MUC5B: variants seen among roughly 807,000 people sequenced by gnomAD.
MUC5B encodes mucin 5B, oligomeric mucus/gel-forming, also known as mucin-5B.
A neutral mutation model predicts 376.9 loss-of-function variants in MUC5B; 116 were observed. That is an observed-to-expected ratio of 0.31 (90% CI 0.26 to 0.36). The LOEUF (loss-of-function observed/expected upper bound fraction) is 0.36, where lower values mean the gene tolerates loss of function less well. Ranked by LOEUF, MUC5B falls within the 10% of genes least tolerant of loss-of-function variation. MUC5B has a pLI of 1.00. For synonymous variants in MUC5B, 3,517 were observed against 3,390.9 expected (o/e 1.04, Z -1.29); for missense variants, 7,165 against 7,769.9 (o/e 0.92, Z 2.93).
At chr11:1,260,811 C>T in intron 48 of MUC5B, 83 bp downstream of exon 48, 1 of 1,063,012 alleles carries the variant, frequency 9.4e-7, no homozygotes. Flanking sequence ...GCAGCCTGCT[C>T]TGGGTCAGGA....
In MUC5B at chr11:1,253,288, C is replaced by T. The variant is rs1428660036; in HGVS notation, c.15217+308C>T. On this transcript the variant is annotated intron_variant, in intron 33 of 48. Transcript: ENST00000529681. This position sits in a 1 kb window ranked among gnomAD's most constrained non-coding sequence, Gnocchi z 4.3. ...GTGTCCACAGGGCTGAAAATGCTGA[C>T]ACAGCCCAAGGGAGAGGCAGCAGAG... Among the ~76,000 whole-genome samples the T allele has an allele frequency of 6.6e-6, 1 of 152,150 alleles. No homozygotes were observed. The highest frequency in any genetic ancestry group is 6.5e-5 in the Admixed American group (1 of 15,274).
At position 1,246,854 on chromosome 11, in the gene MUC5B, G is replaced by T. The variant is rs775294208; in HGVS notation, c.9974G>T (p.Gly3325Val). Residue 3325 changes from glycine to valine, a missense_variant, in exon 31 of 49, where the codon GGG (glycine) becomes GTG (valine). Physicochemically the swap from Gly to Val is moderately radical, Grantham distance 109. Transcript: ENST00000529681. The part of the protein sequence containing the change: ...GFTATPSSSP[G>V]TALTPPVWIS... ...ACAGCCACCCCCTCCTCCAGCCCAG[G>T]GACGGCACTCACGCCTCCAGTGTGG... The T allele has an allele frequency of 3.7e-6, 6 of 1,609,920 alleles. No individual in the cohort carries two copies. In the East Asian group the frequency reaches 1.1e-4, roughly 30 times the overall value.
chr11:1,247,483 G>T lies in MUC5B; in HGVS notation c.10603G>T (p.Gly3535Cys). ...PGTTTPGHTR[G>C]TSRTTATATP... Reference sequence around the variant, plus strand: ...GACGACCACCCCGGGCCACACCAGGGGCACCTCCAGGACCACAGCCACAGC... The same window carrying T: ...GACGACCACCCCGGGCCACACCAGGTGCACCTCCAGGACCACAGCCACAGC... The change falls in exon 31 of 49, where the codon GGC becomes TGC. Residue 3535 changes from glycine to cysteine, a missense_variant. Around this residue, in one of 31 missense-constraint regions of MUC5B, gnomAD observed 939 missense variants for 770.6 expected, o/e 1.22. Transcript: ENST00000529681. 2 of 1,607,746 alleles carry T rather than the reference G, an allele frequency of 1.2e-6. No homozygotes were observed. The highest frequency in any genetic ancestry group is 1.7e-6 in the Non-Finnish European group (2 of 1,177,462).
At position 1,258,070 on chromosome 11, in the gene MUC5B, C is replaced by T. The variant is rs765208664; in HGVS notation, c.16451-29C>T. On this transcript the variant is annotated intron_variant, in intron 41 of 48. Coordinates refer to ENST00000529681, the MANE Select transcript of MUC5B (RefSeq NM_002458.3). The surrounding 1 kb of genome is among the most constrained non-coding windows in gnomAD (Gnocchi z 5.5). Reference sequence around the variant, plus strand: ...TGGTCGGGAGGAGGAGTGAGCAGCGCCCAGACAGTGGCCTCCATCCTCCCG... The same window carrying T: ...TGGTCGGGAGGAGGAGTGAGCAGCGTCCAGACAGTGGCCTCCATCCTCCCG... 4.5e-6 allele frequency: 7 copies of T among 1,547,214 alleles called. No homozygotes were observed. In the South Asian group the frequency reaches 7.1e-5, roughly 16 times the overall value.
rs1292740395 is a variant in MUC5B, at chr11:1,248,856, C to G, written c.11976C>G (p.Pro3992=). 3 of 1,547,754 alleles carry G rather than the reference C, an allele frequency of 1.9e-6. No homozygotes were observed. Among genetic ancestry groups the G allele is most frequent in the African/African-American group, 1.4e-5 (1 of 72,410 alleles). The change falls in exon 31 of 49, where the codon CCC becomes CCG. Residue 3992 remains proline (P), a synonymous_variant. Coordinates refer to ENST00000529681, the MANE Select transcript of MUC5B (RefSeq NM_002458.3). ...TPAATSSTVT[P]SSALGTTHTP... ...CAGCCACCAGCAGCACAGTGACTCC[C>G]TCCTCTGCCCTAGGGACCACCCACA...
At position 1,242,032 on chromosome 11, in the gene MUC5B, G is replaced by A. The variant is rs767483556; in HGVS notation, c.5152G>A (p.Ala1718Thr). ...TWRPSQPPTL[A>T]PTTMATSRAR... ...GCGCCCCTCACAGCCACCCACGCTG[G>A]CCCCAACAACAATGGCAACCTCCAG... Residue 1718 changes from alanine to threonine, a missense_variant, in exon 31 of 49, where the codon GCC becomes ACC. Ala to Thr is a moderately conservative substitution (Grantham distance 58). This residue lies in a region of MUC5B where 897 missense variants were observed against 779.6 expected (regional missense o/e 1.15). Transcript: ENST00000529681. The A allele has an allele frequency of 1.0e-5, 16 of 1,588,998 alleles. No homozygotes were observed. Among genetic ancestry groups the A allele is most frequent in the Non-Finnish European group, 1.3e-5 (15 of 1,168,662 alleles).
rs1003657478 is a variant in MUC5B at position 1,226,130 on chromosome 11, G to A, written c.128-75G>A. On this transcript the variant is annotated intron_variant, in intron 2 of 48. Transcript: ENST00000529681. The stretch of plus-strand genomic sequence containing the variant: ...CTTCAACTCTGGTGGCTGGCGAGGA[G>A]GGTGGGCCCCGGGGAGGGTGTCTCT... 2.8e-6 allele frequency: 4 copies of A among 1,426,114 alleles called. No individual in the cohort carries two copies. In the Admixed American group the frequency reaches 6.1e-5, roughly 22 times the overall value. 88.3% of individuals were successfully genotyped at this position (1,426,114 alleles called of 1,614,324 possible).
rs1262966023 is a variant in MUC5B at position 1,258,636 on chromosome 11, T to C, written c.16593+269T>C. Among the ~76,000 whole-genome samples, 1 of 151,806 alleles carries C rather than the reference T, an allele frequency of 6.6e-6. No homozygotes were observed. Among genetic ancestry groups the C allele is most frequent in the African/African-American group, 2.4e-5 (1 of 41,270 alleles). ...GGGGGCAGCACACACTGGCCTGGGG[T>C]CCCCGCCTGCCCGCCCAGATTCCTA... is the stretch of plus-strand genomic sequence containing the variant. On this transcript the variant is annotated intron_variant, in intron 43 of 48. Coordinates refer to ENST00000529681, the MANE Select transcript of MUC5B (RefSeq NM_002458.3). The surrounding 1 kb of genome is among the most constrained non-coding windows in gnomAD (Gnocchi z 5.5).
chr11:1,233,035 C>G lies in MUC5B; in HGVS notation c.2088C>G (p.Pro696=). The G allele has an allele frequency of 6.3e-7, 1 of 1,599,098 alleles. No homozygotes were observed. Among genetic ancestry groups the G allele is most frequent in the East Asian group, 2.2e-5 (1 of 44,588 alleles). The change falls in exon 18 of 49, where the codon CCC becomes CCG. Residue 696 remains proline, a synonymous_variant. Coordinates refer to ENST00000529681, the MANE Select transcript of MUC5B (RefSeq NM_002458.3). ...CAGCCAAGTACATGCAGAACTGCCC[C>G]AAGTCCCAGCGCTACGCCTACGTGG... ...GVCTKYMQNC[P]KSQRYAYVVD... is the part of the protein sequence containing the mutation.
At chr11:1,227,245 G>T in intron 5 of MUC5B, 63 bp from the exon 6 acceptor site, 1 of 1,573,282 alleles carries the variant, frequency 6.4e-7, no homozygotes, top group South Asian at 1.1e-5. Context: ...ACGGGGCTTG[G>T]GGCATGTTGC....
chr11:1,232,935 G>A (rs1308433190), intron 17 of MUC5B, 78 bp from the exon 18 acceptor site: 25 of 1,476,078 alleles, frequency 1.7e-5, no homozygotes, highest in South Asian at 1.6e-4. Flanking sequence ...CGTCACAGAC[G>A]GGGATGCTGA....
chr11:1,253,582 G>A lies in MUC5B; in HGVS notation c.15218-510G>A, dbSNP rs774195756. 6.6e-6 allele frequency among the ~76,000 whole-genome samples: 1 copy of A among 152,156 alleles called. No individual in the cohort carries two copies. The highest frequency in any genetic ancestry group is 1.5e-5 in the Non-Finnish European group (1 of 68,024). ...CTTATACAACAGAAACCCACTCTCCGTCCTGGAGCTGGAAGTCTGAGATCC... is the reference window on the plus strand; with the variant it reads ...CTTATACAACAGAAACCCACTCTCCATCCTGGAGCTGGAAGTCTGAGATCC... On this transcript the variant is annotated intron_variant, in intron 33 of 48. Transcript: ENST00000529681. The surrounding 1 kb of genome is among the most constrained non-coding windows in gnomAD (Gnocchi z 4.3).
chr11:1,230,110 C>T lies in MUC5B; in HGVS notation c.1326C>T (p.Asp442=), dbSNP rs1463183087. 2 of 1,611,924 alleles carry T rather than the reference C, an allele frequency of 1.2e-6. No individual in the cohort carries two copies. The highest frequency in any genetic ancestry group is 1.3e-5 in the African/African-American group (1 of 75,042). The part of the protein sequence containing the change: ...HISTYDEKLY[D]LHGDCSYVLS... ...CCACCTATGATGAGAAACTCTACGA[C>T]CTGCATGGTGACTGCAGCTACGTTC... is the stretch of plus-strand genomic sequence containing the variant. The change falls in exon 11 of 49, where the codon GAC becomes GAT. Residue 442 remains aspartate, a synonymous_variant. Coordinates refer to ENST00000529681, the MANE Select transcript of MUC5B (RefSeq NM_002458.3).
Position 1,246,882 on chromosome 11 carries a change from C to A in MUC5B, c.10002C>A (p.Ile3334=). ...CGGCACTCACGCCTCCAGTGTGGAT[C>A]AGCACAACCACCACACCCACAACCA... ...PGTALTPPVW[I]STTTTPTTRG... Residue 3334 remains isoleucine, a synonymous_variant, in exon 31 of 49, where the codon ATC becomes ATA. Transcript: ENST00000529681. 6.2e-7 allele frequency: 1 copy of A among 1,610,318 alleles called. No individual in the cohort carries two copies. The highest frequency in any genetic ancestry group is 8.5e-7 in the Non-Finnish European group (1 of 1,178,324).
chr11:1,258,294 A>ACCACTTGTC lies in MUC5B; in HGVS notation c.16556-35_16556-27dup. ...GGGGGCGCTGGAGCACATGCTCCCC[A>ACCACTTGTC]CCACTTGTCGAGGGCTTAGCTCCCT... is the stretch of plus-strand genomic sequence containing the variant. On this transcript the variant is annotated intron_variant, in intron 42 of 48. Coordinates refer to ENST00000529681, the MANE Select transcript of MUC5B (RefSeq NM_002458.3). The surrounding 1 kb of genome is among the most constrained non-coding windows in gnomAD (Gnocchi z 5.5). The ACCACTTGTC allele has an allele frequency of 6.2e-7, 1 of 1,609,514 alleles. No individual in the cohort carries two copies. Among genetic ancestry groups the ACCACTTGTC allele is most frequent in the Non-Finnish European group, 8.5e-7 (1 of 1,178,550 alleles).
At chr11:1,239,167 A>T (rs1862222793) in intron 26 of MUC5B, 140 bp downstream of exon 26, 1 of 1,124,806 alleles carries the variant, frequency 8.9e-7, no homozygotes, top group Non-Finnish European at 1.3e-6. Context: ...ATGTGAGTGC[A>T]CAAGTTTCTA....
chr11:1,259,752 A>G lies in MUC5B; in HGVS notation c.16714-4A>G. On this transcript the variant is annotated splice_polypyrimidine_tract_variant and splice_region_variant and intron_variant, in intron 44 of 48. Coordinates refer to ENST00000529681, the MANE Select transcript of MUC5B (RefSeq NM_002458.3). ...AGGGCCTGACGCCCCTCATGTCCCC[A>G]CAGGGCTTTGAGTACAAGAGAGTGG... 3 of 1,612,340 alleles carry G rather than the reference A, an allele frequency of 1.9e-6. No homozygotes were observed. Among genetic ancestry groups the G allele is most frequent in the Non-Finnish European group, 1.7e-6 (2 of 1,179,622 alleles).
At chr11:1,229,626 G>C (rs552776846) in intron 9 of MUC5B, 64 bp from the exon 10 acceptor site, 33 of 1,368,050 alleles carry the variant, frequency 2.4e-5, no homozygotes, top group Non-Finnish European at 3.0e-5. Context: ...CCCCAAGGCC[G>C]GTGTCTTCTG....
intron 23 of MUC5B, 183 bp downstream of exon 23, chr11:1,235,596 G>T: frequency 1.6e-6 from 1 of 617,878 alleles, no homozygotes; most frequent in Non-Finnish European, 2.9e-6. Context: ...CAGTCCTGGA[G>T]CCGGAAGTCA....
Sources: allele counts gnomAD v4.1 joint callset (sites outside exome capture counted in the v4.1 genomes callset), GRCh38; gene constraint gnomAD v4.1.1; regional missense constraint gnomAD v4.1.1; non-coding constraint Gnocchi (gnomAD v3.1); transcripts MANE v1.5; gene names NCBI Gene and HGNC (gene_info 2026-07-23, HGNC 2026-07-21).